MYO16: variants seen among roughly 807,000 people sequenced by gnomAD.
MYO16 encodes unconventional myosin-XVI.
In MYO16, 94 loss-of-function variants were observed where a neutral mutation model predicts 205.3. The observed-to-expected ratio is 0.46, with a 90% CI of 0.39 to 0.54. The LOEUF is 0.54. MYO16 is among the 20% of genes least tolerant of loss of function. MYO16 has a pLI of 0.00. For synonymous variants in MYO16, 988 were observed against 954.0 expected, an observed-to-expected ratio of 1.04 and a Z score of -0.66; for missense variants, 2,315 against 2,387.5, an observed-to-expected ratio of 0.97 and a Z score of 0.63.
chr13:108,599,576 G>A (rs901918848), intron 1 of MYO16, among the ~76,000 whole-genome samples: 6 of 152,004 alleles, frequency 3.9e-5, no homozygotes, highest in Non-Finnish European at 7.4e-5. Flanking sequence ...AGAAGGATAC[G>A]TACCATATAG....
intron 10 of MYO16, among the ~76,000 whole-genome samples, chr13:108,846,272 CAAATT>C (rs1877513685): frequency 6.6e-6 from 1 of 152,076 alleles, no homozygotes; most frequent in Non-Finnish European, 1.5e-5. Context: ...ATTTAAGACT[CAAATT>C]AGTTTGCAGT....
At chr13:109,046,873 C>A in intron 23 of MYO16, 43 bp from the exon 24 acceptor site, 3 of 1,458,874 alleles carry the variant, frequency 2.1e-6, no homozygotes, top group South Asian at 2.3e-5. Flanking sequence ...TTTTCACAGT[C>A]ATGTTGAATC....
intron 33 of MYO16, among the ~76,000 whole-genome samples, chr13:109,168,377 G>A (rs757818555): frequency 2.6e-5 from 4 of 152,080 alleles, no homozygotes; most frequent in Non-Finnish European, 4.4e-5. Context: ...AAGATACAAT[G>A]TGCAAATATT....
At chr13:108,660,923 T>C (rs942965750) in intron 1 of MYO16, among the ~76,000 whole-genome samples, 9 of 152,186 alleles carry the variant, frequency 5.9e-5, no homozygotes, top group African/African-American at 2.2e-4. Flanking sequence ...GGTCCTGTTT[T>C]GATGTGTTTC....
At position 108,874,685 on chromosome 13, in the gene MYO16, T is replaced by TTCATCA. The variant is rs375128929; in HGVS notation, c.1426-8366_1426-8361dup. 7.2e-3 allele frequency among the ~76,000 whole-genome samples: 908 copies of TTCATCA among 126,046 alleles called. 10 individuals are homozygous for TTCATCA. Among genetic ancestry groups the TTCATCA allele is most frequent in the African/African-American group, 0.02 (730 of 37,062 alleles). The allele number at this position is 126,046 out of a possible 152,430, so 82.7% of individuals were successfully genotyped here. A position where few individuals can be genotyped will look rare whatever the true frequency, so the allele number is the denominator to read the frequency against. On this transcript the variant is annotated intron_variant, in intron 12 of 34. Coordinates refer to ENST00000457511, the MANE Select transcript of MYO16 (RefSeq NM_001198950.3). ...AGTGCTGCGCCCAGAGGCAGACAGT[T>TTCATCA]TCATCATCATCATTATTATTATTAT...
chr13:108,874,696 C>CATCATTATTATTATT (rs1555307948), intron 12 of MYO16, among the ~76,000 whole-genome samples: 22 of 106,846 alleles, frequency 2.1e-4, no homozygotes, highest in Admixed American at 3.5e-4. Context: ...TCATCATCAT[C>CATCATTATTATTATT]ATTATTATTA....
At chr13:108,843,423 A>G (rs954845391) in intron 9 of MYO16, among the ~76,000 whole-genome samples, 2 of 152,166 alleles carry the variant, frequency 1.3e-5, no homozygotes, top group African/African-American at 4.8e-5. Flanking sequence ...GCAACTATGT[A>G]TATCAGTCCA....
At chr13:108,698,063 C>A (rs1319835907) in intron 2 of MYO16, among the ~76,000 whole-genome samples, 2 of 152,128 alleles carry the variant, frequency 1.3e-5, no homozygotes, top group African/African-American at 2.4e-5. Context: ...TCCTCCTCTG[C>A]AGATTGTGCT....
intron 24 of MYO16, among the ~76,000 whole-genome samples, chr13:109,048,179 GTGTGTGTGTGTGTGTGTGTGTGTA>G (rs1887111984): frequency 7.0e-6 from 1 of 141,898 alleles, no homozygotes; most frequent in African/African-American, 2.5e-5. Flanking sequence ...GTGTGTGTGT[GTGTGTGTGTGTGTGTGTGTGTGTA>G]TTTAGAATGA....
At chr13:108,703,640 C>A (rs1198209654) in intron 2 of MYO16, among the ~76,000 whole-genome samples, 1 of 152,080 alleles carries the variant, frequency 6.6e-6, no homozygotes, top group African/African-American at 2.4e-5. Context: ...CCAGGACAGA[C>A]CACATGCAAA....
chr13:108,700,171 A>C (rs1883243778), intron 2 of MYO16, among the ~76,000 whole-genome samples: 2 of 151,952 alleles, frequency 1.3e-5, no homozygotes, highest in South Asian at 4.1e-4. Context: ...TTTCTCTACT[A>C]AAAATACAAA....
the MYO16 span, among the ~76,000 whole-genome samples, chr13:108,538,709 C>A: frequency 2.6e-5 from 4 of 152,050 alleles, no homozygotes; most frequent in Non-Finnish European, 2.9e-5. Flanking sequence ...AAATATTAGA[C>A]AACAGATGCT....
chr13:108,968,531 C>G (rs964084043), intron 20 of MYO16, among the ~76,000 whole-genome samples: 6 of 152,050 alleles, frequency 3.9e-5, no homozygotes, highest in African/African-American at 1.4e-4. Flanking sequence ...GAGGCTGAGG[C>G]AGGAGAATCA....
intron 5 of MYO16, among the ~76,000 whole-genome samples, chr13:108,790,208 A>G (rs1166913706): frequency 6.6e-6 from 1 of 152,234 alleles, no homozygotes; most frequent in Non-Finnish European, 1.5e-5. Flanking sequence ...TAATATCATC[A>G]GAGAAAAGGA....
rs5806778 is a variant in MYO16, at chr13:109,073,268, AT to A, written c.3335+17687del. Among the ~76,000 whole-genome samples the A allele has an allele frequency of 5.3e-3, 779 of 146,352 alleles. 3 individuals carry two copies. The highest frequency in any genetic ancestry group is 0.012 in the African/African-American group (477 of 39,598). On this transcript the variant is annotated intron_variant, in intron 27 of 34. Transcript: ENST00000457511. ...AGGCACATGAGACCACTCCTGGCTAATTTTTTTTTTTTTTGTATCTTTTTAG... is the reference window on the plus strand; with the variant it reads ...AGGCACATGAGACCACTCCTGGCTAATTTTTTTTTTTTTGTATCTTTTTAG...
intron 27 of MYO16, among the ~76,000 whole-genome samples, chr13:109,099,537 C>T (rs1476376205): frequency 6.6e-6 from 1 of 152,182 alleles, no homozygotes; most frequent in African/African-American, 2.4e-5. Flanking sequence ...ACCCTCATGA[C>T]TTAATCACCT....
At chr13:108,866,435 T>C (rs979689403) in intron 12 of MYO16, among the ~76,000 whole-genome samples, 193 bp downstream of exon 12, 2 of 152,232 alleles carry the variant, frequency 1.3e-5, no homozygotes, top group Admixed American at 6.5e-5. Context: ...TTTATCAAAA[T>C]GTTTCTTTGC....
intron 4 of MYO16, among the ~76,000 whole-genome samples, chr13:108,782,809 C>A (rs562447677): frequency 3.9e-5 from 6 of 152,160 alleles, no homozygotes; most frequent in Non-Finnish European, 8.8e-5. Context: ...GTGGAAGCCC[C>A]AAGCCTTGGC....
chr13:108,619,599 T>C (rs560484370), intron 1 of MYO16, among the ~76,000 whole-genome samples: 10 of 152,230 alleles, frequency 6.6e-5, no homozygotes, highest in Admixed American at 4.6e-4. Flanking sequence ...AGTAATAGGA[T>C]GTAGCATCAG....
Sources: allele counts gnomAD v4.1 joint callset (sites outside exome capture counted in the v4.1 genomes callset), GRCh38; gene constraint gnomAD v4.1.1; transcripts MANE v1.5; gene names NCBI Gene and HGNC (gene_info 2026-07-23, HGNC 2026-07-21).